Variants in FHIT observed in about 807,000 individuals in gnomAD.
FHIT encodes bis(5'-adenosyl)-triphosphatase.
Under a neutral mutation model 17.9 loss-of-function variants are expected in FHIT, and 19 were observed. The ratio of observed to expected loss-of-function variants is 1.06; its 90% CI spans 0.74 to 1.56. The LOEUF (loss-of-function observed/expected upper bound fraction) is 1.56, where lower values mean the gene tolerates loss of function less well. Among genes scored for constraint, FHIT ranks in the 40% most tolerant of loss-of-function variants. The probability of loss-of-function intolerance (pLI) is 0.00; values close to 1 mark genes in which losing one functional copy is unlikely to be tolerated. For synonymous variants in FHIT, 81 were observed against 69.7 expected (o/e 1.16, Z -0.81); for missense variants, 248 against 189.2 (o/e 1.31, Z -1.82).
rs189033915 is a variant in FHIT, at chr3:61,209,641, G to C, written c.-212-8976C>G. ...CTTGTGCGTTCGTCACGTGGTTCTCGTGCCTTGGTTTTCAGCTCCATCAAG... is the reference window on the plus strand; with the variant it reads ...CTTGTGCGTTCGTCACGTGGTTCTCCTGCCTTGGTTTTCAGCTCCATCAAG... On this transcript the variant is annotated intron_variant, in intron 1 of 9. Transcript: ENST00000492590. Among the ~76,000 whole-genome samples, 4 of 152,100 alleles carry C rather than the reference G, an allele frequency of 2.6e-5. 1 individual carries two copies. In the South Asian group the frequency reaches 8.3e-4, roughly 32 times the overall value.
intron 3 of FHIT, among the ~76,000 whole-genome samples, chr3:60,830,887 A>C (rs1553742345): frequency 2.0e-5 from 3 of 152,128 alleles, no homozygotes; most frequent in Non-Finnish European, 2.9e-5. Context: ...CCTTGTCCTT[A>C]GCTTAACATA....
At chr3:61,228,449 C>T (rs1479618971) in intron 1 of FHIT, among the ~76,000 whole-genome samples, 1 of 152,230 alleles carries the variant, frequency 6.6e-6, no homozygotes. Flanking sequence ...CAATTTACTA[C>T]TCTTTATCCA....
intron 5 of FHIT, among the ~76,000 whole-genome samples, chr3:60,459,031 C>T (rs1242867983): frequency 6.6e-6 from 1 of 152,116 alleles, no homozygotes; most frequent in Non-Finnish European, 1.5e-5. Flanking sequence ...ATCCTCCTAC[C>T]TTGTTCTCCC....
chr3:60,168,697 G>A (rs535707164), intron 5 of FHIT, among the ~76,000 whole-genome samples: 1 of 152,314 alleles, frequency 6.6e-6, no homozygotes, highest in Admixed American at 6.5e-5. Flanking sequence ...ATTATCCTGC[G>A]TTTCATCAAG....
intron 5 of FHIT, among the ~76,000 whole-genome samples, chr3:60,295,013 C>A (rs1708144393): frequency 6.6e-6 from 1 of 152,068 alleles, no homozygotes; most frequent in African/African-American, 2.4e-5. Context: ...TTGTGTGGAT[C>A]CAAGTTTTTG....
intron 3 of FHIT, among the ~76,000 whole-genome samples, chr3:60,962,541 A>G (rs1476479307): frequency 6.6e-6 from 1 of 152,174 alleles, no homozygotes; most frequent in African/African-American, 2.4e-5. Context: ...AGTTTTGCCA[A>G]TTCAGTATGA....
chr3:60,729,324 C>G (rs999929824), intron 4 of FHIT, among the ~76,000 whole-genome samples: 31 of 152,172 alleles, frequency 2.0e-4, no homozygotes, highest in African/African-American at 6.5e-4. Flanking sequence ...AACCACAGAA[C>G]TGGCTTTAAC....
intron 3 of FHIT, among the ~76,000 whole-genome samples, chr3:60,955,597 C>CATATATATATATAT (rs201555469): frequency 5.3e-4 from 41 of 77,660 alleles, no homozygotes; most frequent in African/African-American, 2.3e-3. Flanking sequence ...CATATATATA[C>CATATATATATATAT]ATATATATAT....
intron 4 of FHIT, among the ~76,000 whole-genome samples, chr3:60,589,817 A>C (rs564348788): frequency 5.1e-4 from 78 of 152,240 alleles, no homozygotes; most frequent in African/African-American, 1.8e-3. Flanking sequence ...CTTACTGGAG[A>C]AAGTGCTGAC....
intron 5 of FHIT, among the ~76,000 whole-genome samples, chr3:60,226,472 CAAAAAAA>C (rs1189100387): frequency 3.6e-4 from 25 of 70,140 alleles, no homozygotes; most frequent in Non-Finnish European, 8.0e-5. Context: ...AACTCCGTCT[CAAAAAAA>C]AAAAAAAAAA....
intron 7 of FHIT, among the ~76,000 whole-genome samples, chr3:59,964,676 T>C (rs960846723): frequency 2.9e-4 from 44 of 152,150 alleles, no homozygotes; most frequent in African/African-American, 1.0e-3. Context: ...AGGGAGAACA[T>C]ACATCTCTAC....
chr3:60,792,410 C>T (rs1559726470), intron 4 of FHIT, among the ~76,000 whole-genome samples: 1 of 152,204 alleles, frequency 6.6e-6, no homozygotes, highest in South Asian at 2.1e-4. Context: ...TGTCGACAGC[C>T]ACTCAAATCT....
chr3:60,809,409 C>T (rs939088949), intron 4 of FHIT, among the ~76,000 whole-genome samples: 2 of 152,056 alleles, frequency 1.3e-5, no homozygotes, highest in African/African-American at 4.8e-5. Context: ...GGGGTCTTTT[C>T]CCCCTAAATA....
intron 5 of FHIT, among the ~76,000 whole-genome samples, chr3:60,019,509 C>T (rs1474562908): frequency 2.0e-5 from 3 of 149,506 alleles, no homozygotes; most frequent in Non-Finnish European, 4.4e-5. Flanking sequence ...ACCTCTGCTT[C>T]CTGGGTTCAA....
chr3:61,065,142 C>G (rs1190096029), intron 2 of FHIT, among the ~76,000 whole-genome samples: 1 of 152,210 alleles, frequency 6.6e-6, no homozygotes, highest in East Asian at 1.9e-4. Flanking sequence ...CCTGAAGAAT[C>G]ACTGTCAGGT....
At chr3:60,509,002 T>C (rs547980625) in intron 5 of FHIT, among the ~76,000 whole-genome samples, 1 of 152,266 alleles carries the variant, frequency 6.6e-6, no homozygotes, top group South Asian at 2.1e-4. Flanking sequence ...ATAGTACATA[T>C]CTGTGGTGTC....
At chr3:60,614,809 G>GTTTTTTTTTTTTTT (rs147892145) in intron 4 of FHIT, among the ~76,000 whole-genome samples, 1 of 78,240 alleles carries the variant, frequency 1.3e-5, no homozygotes, top group Non-Finnish European at 2.4e-5. Flanking sequence ...TGCAAAAGTT[G>GTTTTTTTTTTTTTT]TTTTTTTTTT....
At chr3:60,245,911 T>C (rs752194627) in intron 5 of FHIT, among the ~76,000 whole-genome samples, 3 of 152,036 alleles carry the variant, frequency 2.0e-5, no homozygotes, top group South Asian at 2.1e-4. Flanking sequence ...AAACAAGCCA[T>C]TGGACAATAA....
chr3:59,939,597 A>C (rs1378734747), intron 7 of FHIT, among the ~76,000 whole-genome samples: 1 of 152,218 alleles, frequency 6.6e-6, no homozygotes, highest in Non-Finnish European at 1.5e-5. Context: ...ATTGAAGGCT[A>C]AGTGTGTACT....
Sources: allele counts gnomAD v4.1 joint callset (sites outside exome capture counted in the v4.1 genomes callset), GRCh38; gene constraint gnomAD v4.1.1; transcripts MANE v1.5; gene names NCBI Gene and HGNC (gene_info 2026-07-23, HGNC 2026-07-21).